ERC2: variants seen among roughly 807,000 people sequenced by gnomAD.
ERC2 encodes the protein ERC protein 2.
ERC2 carries 42 observed loss-of-function variants against 114.8 expected under a neutral mutation model. That is an observed-to-expected ratio of 0.37 (90% CI 0.29 to 0.47). ERC2 has a LOEUF of 0.47. Ranked by LOEUF, ERC2 falls within the 20% of genes least tolerant of loss-of-function variation. The pLI, the probability that ERC2 is intolerant of heterozygous loss-of-function variation, is 0.99. For missense variants in ERC2, 939 were observed against 1,150.7 expected (o/e 0.82, Z 2.66); for synonymous variants, 454 against 425.5 (o/e 1.07, Z -0.82).
At chr3:56,109,977 A>G (rs1044387296) in intron 6 of ERC2, among the ~76,000 whole-genome samples, 1 of 152,164 alleles carries the variant, frequency 6.6e-6, no homozygotes, top group African/African-American at 2.4e-5. Flanking sequence ...AAACAACAAA[A>G]TGGGGGTAAA....
chr3:56,264,110 T>C (rs4974130), intron 3 of ERC2, among the ~76,000 whole-genome samples: 16,769 of 152,222 alleles, frequency 0.11, 1,439 homozygotes, highest in African/African-American at 0.22. Flanking sequence ...CATCCTTTCA[T>C]GTTGAAAATT....
chr3:55,537,184 C>T (rs972338783), intron 17 of ERC2, among the ~76,000 whole-genome samples: 2 of 152,118 alleles, frequency 1.3e-5, no homozygotes, highest in Non-Finnish European at 2.9e-5. Flanking sequence ...CGGGGCTGGC[C>T]GGCCACATTT....
At chr3:56,449,135 C>G (rs1296257298) in intron 1 of ERC2, among the ~76,000 whole-genome samples, 1 of 151,760 alleles carries the variant, frequency 6.6e-6, no homozygotes, top group Non-Finnish European at 1.5e-5. Flanking sequence ...TTGCTGACAC[C>G]TGATCTGTAA....
At chr3:56,251,772 T>C (rs962185757) in intron 3 of ERC2, among the ~76,000 whole-genome samples, 1 of 152,234 alleles carries the variant, frequency 6.6e-6, no homozygotes, top group Non-Finnish European at 1.5e-5. Context: ...TTAACCTATA[T>C]TGGAAATCTC....
chr3:55,707,881 C>T (rs2063572993), intron 15 of ERC2, among the ~76,000 whole-genome samples: 1 of 152,182 alleles, frequency 6.6e-6, no homozygotes, highest in East Asian at 1.9e-4. Context: ...CTTCTTATTA[C>T]TCCCACTTTA....
intron 17 of ERC2, among the ~76,000 whole-genome samples, chr3:55,532,560 T>C (rs6767969): frequency 0.022 from 3,369 of 152,308 alleles, 137 homozygotes; most frequent in African/African-American, 0.077. Flanking sequence ...TGTTTACATA[T>C]ATTAACGCAC....
At chr3:55,898,504 A>G (rs1250042336) in intron 13 of ERC2, among the ~76,000 whole-genome samples, 2 of 152,204 alleles carry the variant, frequency 1.3e-5, no homozygotes, top group Non-Finnish European at 2.9e-5. Context: ...CTTGACCTCT[A>G]TGTACGTCAG....
intron 3 of ERC2, among the ~76,000 whole-genome samples, chr3:56,208,162 T>C (rs551128209): frequency 6.6e-6 from 1 of 152,332 alleles, no homozygotes; most frequent in South Asian, 2.1e-4. Flanking sequence ...CCAATCATTC[T>C]TCCTGGGACA....
rs185498180 is a variant in ERC2 at position 56,227,691 on chromosome 3, G to A, written c.1075-54171C>T. Among the ~76,000 whole-genome samples the A allele has an allele frequency of 3.3e-5, 5 of 152,266 alleles. No individual in the cohort carries two copies. In the East Asian group the frequency reaches 7.7e-4, roughly 24 times the overall value. ...GAGGATGTGACACTAGAACATCTAC[G>A]TGGTGCTGGTGGGAATGCAAATCAG... On this transcript the variant is annotated intron_variant, in intron 3 of 17. Transcript: ENST00000288221.
intron 7 of ERC2, among the ~76,000 whole-genome samples, chr3:56,078,303 T>C (rs548664895): frequency 6.6e-6 from 1 of 152,358 alleles, no homozygotes; most frequent in Non-Finnish European, 1.5e-5. Context: ...GAATGCAGTG[T>C]CTCTACTTTT....
At chr3:56,263,307 T>C (rs1217440296) in intron 3 of ERC2, among the ~76,000 whole-genome samples, 5 of 151,100 alleles carry the variant, frequency 3.3e-5, no homozygotes, top group Non-Finnish European at 7.4e-5. Context: ...AAAAAAAGTG[T>C]TTCTGGAAGA....
At chr3:55,752,972 GTTTA>G (rs1016353052) in intron 14 of ERC2, among the ~76,000 whole-genome samples, 1 of 152,172 alleles carries the variant, frequency 6.6e-6, no homozygotes, top group Admixed American at 6.5e-5. Context: ...GTGCTCGGAT[GTTTA>G]TTTCATTTGA....
chr3:56,460,902 C>T (rs535070922), intron 1 of ERC2, among the ~76,000 whole-genome samples: 7 of 140,430 alleles, frequency 5.0e-5, no homozygotes, highest in East Asian at 2.2e-4. Flanking sequence ...GGGCGGATCA[C>T]GGGGTCACGA....
chr3:55,797,180 T>C (rs2070585054), intron 14 of ERC2, among the ~76,000 whole-genome samples: 1 of 152,172 alleles, frequency 6.6e-6, no homozygotes, highest in Non-Finnish European at 1.5e-5. Flanking sequence ...TCTCAAAACA[T>C]TTTTTATTGC....
At chr3:56,084,305 A>G (rs2077392075) in intron 6 of ERC2, among the ~76,000 whole-genome samples, 1 of 152,166 alleles carries the variant, frequency 6.6e-6, no homozygotes, top group African/African-American at 2.4e-5. Flanking sequence ...AACAACATGG[A>G]GATTTCTCAA....
intron 14 of ERC2, among the ~76,000 whole-genome samples, chr3:55,807,528 G>C (rs966024301): frequency 2.0e-5 from 3 of 152,164 alleles, no homozygotes; most frequent in African/African-American, 7.2e-5. Flanking sequence ...CAATTACTCA[G>C]CTCTGCTACT....
At chr3:56,393,954 A>G (rs1229069823) in intron 2 of ERC2, among the ~76,000 whole-genome samples, 1 of 152,138 alleles carries the variant, frequency 6.6e-6, no homozygotes, top group Admixed American at 6.5e-5. Context: ...CAAAAAAAAA[A>G]AAGGAATTCT....
intron 3 of ERC2, among the ~76,000 whole-genome samples, chr3:56,179,993 G>A (rs996228179): frequency 3.9e-5 from 6 of 152,136 alleles, no homozygotes; most frequent in Admixed American, 2.0e-4. Flanking sequence ...GGTACTCCAA[G>A]AGTGAGGGGT....
chr3:56,202,644 C>A (rs2150099597), intron 3 of ERC2, among the ~76,000 whole-genome samples: 1 of 151,880 alleles, frequency 6.6e-6, no homozygotes, highest in Admixed American at 6.6e-5. Flanking sequence ...ACAAGGAAAT[C>A]CTGTCATTTG....
Sources: gnomAD v4.1 joint callset for allele counts (sites outside exome capture counted in the v4.1 genomes callset) on GRCh38, gnomAD v4.1.1 for gene constraint, MANE v1.5 for transcripts, NCBI Gene and HGNC (gene_info 2026-07-23, HGNC 2026-07-21) for gene names.